Variants in VPS50 observed in about 807,000 individuals in gnomAD.
The protein encoded by VPS50 is syndetin.
VPS50 carries 70 observed loss-of-function variants against 139.7 expected under a neutral mutation model. That is an observed-to-expected ratio of 0.50 (90% CI 0.41 to 0.61). The LOEUF is 0.61. VPS50 is among the 20% of genes least tolerant of loss of function. The pLI, the probability that VPS50 is intolerant of heterozygous loss-of-function variation, is 0.00. For synonymous variants in VPS50, 365 were observed against 376.7 expected, an observed-to-expected ratio of 0.97 and a Z score of 0.36; for missense variants, 921 against 1,133.7, an observed-to-expected ratio of 0.81 and a Z score of 2.69.
At chr7:93,232,766 C>T (rs990160966) in intron 1 of VPS50, among the ~76,000 whole-genome samples, 21 of 152,158 alleles carry the variant, frequency 1.4e-4, no homozygotes, top group African/African-American at 5.1e-4. Flanking sequence ...TCCCCTCCTC[C>T]TCTTTTTGCC....
intron 14 of VPS50, chr7:93,295,458 G>C (rs1465004586): frequency 6.6e-6 from 1 of 152,098 alleles, no homozygotes; most frequent in East Asian, 1.9e-4. Flanking sequence ...CGGAATTTTG[G>C]GTAGACATGA....
chr7:93,267,877 T>C (rs191854276), intron 9 of VPS50, among the ~76,000 whole-genome samples: 2 of 152,288 alleles, frequency 1.3e-5, no homozygotes, highest in Admixed American at 6.5e-5. Flanking sequence ...TGTGAAGTTA[T>C]TTTTTTCATG....
chr7:93,244,319 A>G (rs1795086824), intron 2 of VPS50, among the ~76,000 whole-genome samples: 1 of 151,896 alleles, frequency 6.6e-6, no homozygotes. Context: ...ATTTGACTTG[A>G]CTTCTTAAAA....
At chr7:93,342,228 C>T (rs1445091736) in intron 23 of VPS50, among the ~76,000 whole-genome samples, 1 of 152,174 alleles carries the variant, frequency 6.6e-6, no homozygotes, top group African/African-American at 2.4e-5. Flanking sequence ...ACGGCACCTG[C>T]AAATCTGGGT....
chr7:93,270,796 A>G (rs992644452), intron 9 of VPS50, among the ~76,000 whole-genome samples: 5 of 151,894 alleles, frequency 3.3e-5, no homozygotes, highest in African/African-American at 4.8e-5. Flanking sequence ...CAGTGTTTTT[A>G]TAGTATTAAT....
intron 21 of VPS50, among the ~76,000 whole-genome samples, chr7:93,332,587 T>C (rs1797969601): frequency 6.6e-6 from 1 of 152,212 alleles, no homozygotes. Context: ...ACATATTTAG[T>C]ATATGAATTA....
intron 2 of VPS50, among the ~76,000 whole-genome samples, chr7:93,247,620 G>A (rs1398248893): frequency 1.3e-5 from 2 of 151,832 alleles, no homozygotes; most frequent in Non-Finnish European, 2.9e-5. Context: ...GCTGTGCATT[G>A]TCATTGCTTA....
chr7:93,263,962 CATT>C (rs1795764974), intron 9 of VPS50, among the ~76,000 whole-genome samples: 1 of 152,082 alleles, frequency 6.6e-6, no homozygotes, highest in African/African-American at 2.4e-5. Context: ...TTGTATTAGA[CATT>C]ATAAGTAATC....
At chr7:93,266,251 G>A (rs1005019410) in intron 9 of VPS50, among the ~76,000 whole-genome samples, 7 of 152,094 alleles carry the variant, frequency 4.6e-5, no homozygotes, top group South Asian at 4.1e-4. Flanking sequence ...TGAGTAACTC[G>A]TCTTCAGCAT....
At chr7:93,286,064 T>C (rs905079693) in intron 12 of VPS50, among the ~76,000 whole-genome samples, 1 of 152,162 alleles carries the variant, frequency 6.6e-6, no homozygotes, top group African/African-American at 2.4e-5. Flanking sequence ...CTATTTTATC[T>C]TTTCCCCTCA....
At chr7:93,301,919 A>G (rs531148163) in intron 16 of VPS50, among the ~76,000 whole-genome samples, 29 of 152,252 alleles carry the variant, frequency 1.9e-4, no homozygotes, top group African/African-American at 6.7e-4. Flanking sequence ...AACCTTGTCA[A>G]CACCTGTTGT....
At chr7:93,317,547 A>C (rs1333826599) in intron 20 of VPS50, among the ~76,000 whole-genome samples, 1 of 152,042 alleles carries the variant, frequency 6.6e-6, no homozygotes, top group African/African-American at 2.4e-5. Context: ...ACAGGGCAAG[A>C]CTCTGTCTCA....
intron 23 of VPS50, among the ~76,000 whole-genome samples, chr7:93,346,173 A>G (rs1244761774): frequency 1.3e-5 from 2 of 152,218 alleles, no homozygotes; most frequent in Non-Finnish European, 2.9e-5. Flanking sequence ...AAGCATTCTT[A>G]TACACCAACA....
rs755688830 is a variant in VPS50, at chr7:93,294,646, T to C, written c.1167+10T>C. ...TACACGAATATGGCAGGTTTGGTTT[T>C]TTTAAAATTATTTTTTTCACAGAAG... On this transcript the variant is annotated intron_variant, in intron 14 of 27. Transcript: ENST00000305866. 9.6e-6 allele frequency: 15 copies of C among 1,564,474 alleles called. No individual in the cohort carries two copies. In the East Asian group the frequency reaches 1.8e-4, roughly 19 times the overall value.
intron 12 of VPS50, among the ~76,000 whole-genome samples, chr7:93,280,037 C>G (rs1044367665): frequency 6.6e-6 from 1 of 151,934 alleles, no homozygotes; most frequent in African/African-American, 2.4e-5. Flanking sequence ...ATTAGTGTTC[C>G]GTTTTTATTT....
chr7:93,288,355 T>A (rs1390097421), intron 12 of VPS50, among the ~76,000 whole-genome samples: 2 of 152,186 alleles, frequency 1.3e-5, no homozygotes, highest in Admixed American at 6.5e-5. Context: ...TTTGTATGTA[T>A]GAATAATGTT....
chr7:93,356,266 C>A, intron 27 of VPS50, 186 bp downstream of exon 27: 1 of 327,698 alleles, frequency 3.1e-6, no homozygotes. Flanking sequence ...AAGCAGTGCC[C>A]TTTGACTCAT....
chr7:93,243,409 G>A (rs1795053808), intron 2 of VPS50, among the ~76,000 whole-genome samples: 1 of 151,916 alleles, frequency 6.6e-6, no homozygotes, highest in Admixed American at 6.6e-5. Context: ...TAATTCCAGT[G>A]TAGAGCCAGG....
chr7:93,306,329 T>G (rs556789642), intron 18 of VPS50, among the ~76,000 whole-genome samples: 1 of 152,070 alleles, frequency 6.6e-6, no homozygotes, highest in East Asian at 1.9e-4. Flanking sequence ...TGTGATATAT[T>G]GTGAGATGAC....
Sources: allele counts gnomAD v4.1 joint callset (sites outside exome capture counted in the v4.1 genomes callset), GRCh38; gene constraint gnomAD v4.1.1; transcripts MANE v1.5; gene names NCBI Gene and HGNC (gene_info 2026-07-23, HGNC 2026-07-21).